Variants in MEGF11 observed in about 807,000 individuals in gnomAD.
MEGF11 encodes multiple epidermal growth factor-like domains protein 11.
MEGF11 carries 126 observed loss-of-function variants against 146.6 expected under a neutral mutation model. The ratio of observed to expected loss-of-function variants is 0.86; its 90% CI spans 0.74 to 1.00. The LOEUF is 1.00. Ranked by LOEUF, MEGF11 falls within the 50% of genes least tolerant of loss-of-function variation. The pLI is 0.00. For synonymous variants in MEGF11, 532 were observed against 583.4 expected, an observed-to-expected ratio of 0.91 and a Z score of 1.27; for missense variants, 1,509 against 1,521.2, an observed-to-expected ratio of 0.99 and a Z score of 0.13.
intron 1 of MEGF11, among the ~76,000 whole-genome samples, chr15:66,252,523 C>G (rs967894680): frequency 4.6e-5 from 7 of 152,126 alleles, no homozygotes; most frequent in Non-Finnish European, 8.8e-5. Context: ...GGGCACCGAT[C>G]CCGAGACGCG....
chr15:66,235,548 C>A lies in MEGF11; in HGVS notation c.-9+18057G>T, dbSNP rs370185965. 5.9e-4 allele frequency among the ~76,000 whole-genome samples: 89 copies of A among 151,952 alleles called. No individual in the cohort carries two copies. In the South Asian group the frequency reaches 0.018, roughly 31 times the overall value. On this transcript the variant is annotated intron_variant, in intron 1 of 25. Coordinates refer to ENST00000395614, the MANE Select transcript of MEGF11 (RefSeq NM_001385028.1). ...ATCTGTAACAAATCCAGAGACATGGCCAAGAGGGAGAATAGAAACTGACTA... is the reference window on the plus strand; with the variant it reads ...ATCTGTAACAAATCCAGAGACATGGACAAGAGGGAGAATAGAAACTGACTA...
At chr15:65,903,583 A>G (rs1363733462) in intron 24 of MEGF11, among the ~76,000 whole-genome samples, 2 of 152,204 alleles carry the variant, frequency 1.3e-5, no homozygotes, top group Non-Finnish European at 2.9e-5. Flanking sequence ...TGACCTGGTC[A>G]GCACCATACA....
At chr15:65,947,773 A>G (rs949712977) in intron 10 of MEGF11, among the ~76,000 whole-genome samples, 4 of 152,314 alleles carry the variant, frequency 2.6e-5, no homozygotes, top group Non-Finnish European at 5.9e-5. Flanking sequence ...AACCGGGTAT[A>G]CTTAAAGCAT....
At chr15:66,136,761 C>T (rs1449571740) in intron 1 of MEGF11, among the ~76,000 whole-genome samples, 2 of 152,214 alleles carry the variant, frequency 1.3e-5, no homozygotes, top group Non-Finnish European at 2.9e-5. Flanking sequence ...GGCACAGTGG[C>T]TCAGGCCTGT....
At position 65,896,136 on chromosome 15, in the gene MEGF11, T is replaced by G. The variant is rs934995331; in HGVS notation, c.*1798A>C. 6.6e-6 allele frequency: 1 copy of G among 152,582 alleles called. No homozygotes were observed. The highest frequency in any genetic ancestry group is 1.9e-4 in the East Asian group (1 of 5,208). The allele number at this position is 152,582 out of a possible 1,614,324, so 9.5% of individuals were successfully genotyped here. A position where few individuals can be genotyped will look rare whatever the true frequency, so the allele number is the denominator to read the frequency against. ...AGGTAAGCTGCTTACCTATATTTCT[T>G]TCTACATATGTATGAGAAATATTTA... On this transcript the variant is annotated 3_prime_UTR_variant, in exon 26 of 26. Transcript: ENST00000395614.
intron 5 of MEGF11, among the ~76,000 whole-genome samples, chr15:66,016,918 C>T (rs1479730287): frequency 6.6e-6 from 1 of 152,200 alleles, no homozygotes; most frequent in Non-Finnish European, 1.5e-5. Context: ...ACTGATTTCC[C>T]TTCTCCTCTG....
chr15:66,176,990 G>A (rs2090403902), intron 1 of MEGF11, among the ~76,000 whole-genome samples: 1 of 152,174 alleles, frequency 6.6e-6, no homozygotes, highest in African/African-American at 2.4e-5. Flanking sequence ...CTTACCATTT[G>A]ATCTAACCCC....
At chr15:66,246,914 G>T (rs760340328) in intron 1 of MEGF11, among the ~76,000 whole-genome samples, 3 of 152,112 alleles carry the variant, frequency 2.0e-5, no homozygotes, top group Non-Finnish European at 4.4e-5. Flanking sequence ...TCCAGGGCTG[G>T]CGAGGGAGTC....
chr15:66,147,473 C>A (rs2089416387), intron 1 of MEGF11, among the ~76,000 whole-genome samples: 1 of 152,244 alleles, frequency 6.6e-6, no homozygotes, highest in Non-Finnish European at 1.5e-5. Flanking sequence ...GTGGTTTGGT[C>A]TCCTCCCTTT....
intron 5 of MEGF11, among the ~76,000 whole-genome samples, chr15:66,062,375 A>G (rs2084940883): frequency 6.6e-6 from 1 of 152,250 alleles, no homozygotes; most frequent in South Asian, 2.1e-4. Flanking sequence ...ACTAGCTAGA[A>G]GTTGCCACGT....
chr15:65,937,097 A>G (rs558932618), intron 10 of MEGF11, among the ~76,000 whole-genome samples: 4 of 152,346 alleles, frequency 2.6e-5, no homozygotes, highest in South Asian at 2.1e-4. Context: ...CAAATCCACT[A>G]TGAGCCAAAG....
chr15:66,238,112 C>T (rs2092134277), intron 1 of MEGF11, among the ~76,000 whole-genome samples: 2 of 152,158 alleles, frequency 1.3e-5, no homozygotes, highest in Admixed American at 6.5e-5. Flanking sequence ...GGACTCTCAG[C>T]GCCTGCTGAT....
At chr15:66,019,613 G>C (rs544277429) in intron 5 of MEGF11, among the ~76,000 whole-genome samples, 1 of 152,166 alleles carries the variant, frequency 6.6e-6, no homozygotes, top group Non-Finnish European at 1.5e-5. Context: ...GCAGCAGACC[G>C]GCTCCTCCAG....
At chr15:66,068,157 A>G (rs1483457374) in intron 5 of MEGF11, among the ~76,000 whole-genome samples, 2 of 152,232 alleles carry the variant, frequency 1.3e-5, no homozygotes, top group East Asian at 3.8e-4. Flanking sequence ...TATTATCATT[A>G]TTCCTTATAA....
intron 9 of MEGF11, among the ~76,000 whole-genome samples, chr15:65,961,978 T>C (rs984679955): frequency 1.3e-5 from 2 of 152,138 alleles, no homozygotes; most frequent in East Asian, 3.8e-4. Flanking sequence ...GGGAAACGTA[T>C]GCATAGAGAG....
intron 1 of MEGF11, among the ~76,000 whole-genome samples, chr15:66,214,030 CTTTT>C (rs11303068): frequency 2.2e-5 from 2 of 92,330 alleles, no homozygotes; most frequent in Non-Finnish European, 2.0e-5. Context: ...GAGCCGGCCA[CTTTT>C]TTTTTTTTTT....
intron 1 of MEGF11, among the ~76,000 whole-genome samples, chr15:66,163,890 TG>T (rs1422810249): frequency 6.6e-6 from 1 of 152,206 alleles, no homozygotes; most frequent in Non-Finnish European, 1.5e-5. Flanking sequence ...GAAGAGCTTG[TG>T]CCACCGTTTT....
At chr15:66,090,158 A>C (rs889153805) in intron 5 of MEGF11, among the ~76,000 whole-genome samples, 3 of 152,030 alleles carry the variant, frequency 2.0e-5, no homozygotes, top group Non-Finnish European at 4.4e-5. Flanking sequence ...TCCCCACCCA[A>C]CCCCGGTACT....
intron 1 of MEGF11, among the ~76,000 whole-genome samples, chr15:66,195,882 G>T (rs1296195869): frequency 6.6e-6 from 1 of 152,232 alleles, no homozygotes; most frequent in Non-Finnish European, 1.5e-5. Context: ...TGTGGAACTG[G>T]TCACCACAGC....
Sources: gnomAD v4.1 joint callset for allele counts (sites outside exome capture counted in the v4.1 genomes callset) on GRCh38, gnomAD v4.1.1 for gene constraint, MANE v1.5 for transcripts, NCBI Gene and HGNC (gene_info 2026-07-23, HGNC 2026-07-21) for gene names.